Variants in ASB11 observed in about 807,000 individuals in gnomAD.
ASB11 encodes the protein ankyrin repeat and SOCS box protein 11.
A neutral mutation model predicts 20.1 loss-of-function variants in ASB11; 17 were observed. The observed-to-expected ratio is 0.85, with a 90% CI of 0.58 to 1.27. The LOEUF (loss-of-function observed/expected upper bound fraction) is 1.27, where lower values mean the gene tolerates loss of function less well. Ranked by LOEUF, ASB11 falls within the 50% of genes most tolerant of loss-of-function variation. The pLI is 0.00. For synonymous variants in ASB11, 107 were observed against 105.6 expected, an observed-to-expected ratio of 1.01 and a Z score of -0.08; for missense variants, 259 against 256.9, an observed-to-expected ratio of 1.01 and a Z score of -0.06.
rs769073103 is a variant in ASB11 at position 15,314,483 on chromosome X, G to A, written c.181+942C>T. 5.0e-6 allele frequency: 6 copies of A among 1,194,726 alleles called. No individual in the cohort carries two copies. The African/African-American group carries it at 1.1e-4, about 22-fold the overall frequency. On this transcript the variant is annotated intron_variant, in intron 1 of 6. Transcript: ENST00000480796. ...TTCTCATTTTCCCCAGTTAATTGAAGCATTCTGATGCTTCGTCCTTGGAGG... is the reference window on the plus strand; with the variant it reads ...TTCTCATTTTCCCCAGTTAATTGAAACATTCTGATGCTTCGTCCTTGGAGG...
At chrX:15,297,724 T>G (rs1327223963) in intron 2 of ASB11, 43 bp from the exon 3 acceptor site, 7 of 1,142,933 alleles carry the variant, frequency 6.1e-6, no homozygotes, top group Non-Finnish European at 8.4e-6. Context: ...TTTTACAGAC[T>G]GGGGTCTCAC....
intron 5 of ASB11, among the ~76,000 whole-genome samples, chrX:15,289,236 A>G (rs1179078212): frequency 8.9e-6 from 1 of 112,577 alleles, no homozygotes; most frequent in East Asian, 2.8e-4. Flanking sequence ...CTTGCTGCGT[A>G]TGGATAAGGA....
chrX:15,305,640 G>GATAC (rs1459681702), intron 1 of ASB11, among the ~76,000 whole-genome samples: 6 of 110,834 alleles, frequency 5.4e-5, no homozygotes, highest in African/African-American at 2.0e-4. Context: ...TAGATAGATA[G>GATAC]AATCACTGGT....
intron 2 of ASB11, among the ~76,000 whole-genome samples, chrX:15,298,861 T>C (rs973369881): frequency 6.2e-5 from 7 of 112,002 alleles, no homozygotes; most frequent in Non-Finnish European, 1.3e-4. Flanking sequence ...CAGCCATGAC[T>C]CCACTGTGTG....
At chrX:15,291,669 T>G (rs1927533835) in intron 4 of ASB11, among the ~76,000 whole-genome samples, 1 of 105,583 alleles carries the variant, frequency 9.5e-6, no homozygotes. Flanking sequence ...ATTGTGCCAT[T>G]GCACTCCAGC....
At chrX:15,288,218 C>A (rs1372065957) in intron 5 of ASB11, 146 bp from the exon 6 acceptor site, 1 of 564,954 alleles carries the variant, frequency 1.8e-6, no homozygotes, top group Non-Finnish European at 2.6e-6. Flanking sequence ...AGCCTAGAAC[C>A]TCAGCAATGC....
At chrX:15,291,612 CAGG>C (rs1254292684) in intron 4 of ASB11, among the ~76,000 whole-genome samples, 1 of 108,203 alleles carries the variant, frequency 9.2e-6, no homozygotes, top group Admixed American at 1.0e-4. Flanking sequence ...GAGGCTGAGG[CAGG>C]AGAATTGCTT....
chrX:15,313,748 C>A (rs753918444), intron 1 of ASB11, among the ~76,000 whole-genome samples: 2 of 111,363 alleles, frequency 1.8e-5, no homozygotes, highest in Admixed American at 9.6e-5. Flanking sequence ...AGGTTTTATA[C>A]CTTTTTTAAG....
rs1927232497 is a variant in ASB11, at chrX:15,283,029, A to G, written c.*476T>C. On this transcript the variant is annotated 3_prime_UTR_variant, in exon 7 of 7. Coordinates refer to ENST00000480796, the MANE Select transcript of ASB11 (RefSeq NM_080873.3). ...ATATATATATACGTATATATATACA[A>G]AAAATCAAAATTATACCAGATTTAT... is the stretch of plus-strand genomic sequence containing the variant. 9.2e-6 allele frequency: 1 copy of G among 108,259 alleles called. No individual in the cohort carries two copies. The highest frequency in any genetic ancestry group is 1.9e-5 in the Non-Finnish European group (1 of 53,192). 8.9% of individuals were successfully genotyped at this position (108,259 alleles called of 1,213,427 possible). A position where few individuals can be genotyped will look rare whatever the true frequency, so the allele number is the denominator to read the frequency against.
Position 15,284,129 on chromosome X carries a change from A to G in ASB11, c.848-500T>C, listed in dbSNP as rs373976469. 5.4e-3 allele frequency among the ~76,000 whole-genome samples: 568 copies of G among 105,571 alleles called. 3 individuals carry two copies. The highest frequency in any genetic ancestry group is 0.014 in the Middle Eastern group (3 of 214). The allele number at this position is 105,571 out of a possible 115,157, so 91.7% of individuals were successfully genotyped here. A position where few individuals can be genotyped will look rare whatever the true frequency, so the allele number is the denominator to read the frequency against. On this transcript the variant is annotated intron_variant, in intron 6 of 6. Coordinates refer to ENST00000480796, the MANE Select transcript of ASB11 (RefSeq NM_080873.3). ...TAGCCGGGTGTGGTGGCGGGTGCCT[A>G]TAGTCCCAGCTACTCGGGAGGCTGA...
intron 6 of ASB11, among the ~76,000 whole-genome samples, chrX:15,286,976 T>C (rs1011927452): frequency 4.5e-5 from 5 of 112,138 alleles, no homozygotes; most frequent in African/African-American, 1.6e-4. Context: ...TCTTACTGTA[T>C]AGACATAAGA....
At chrX:15,291,736 A>G (rs949677280) in intron 4 of ASB11, among the ~76,000 whole-genome samples, 7 of 105,579 alleles carry the variant, frequency 6.6e-5, no homozygotes, top group Non-Finnish European at 1.4e-4. Context: ...TAAAAAAATT[A>G]AAAAAAAAAG....
chrX:15,302,687 T>C (rs1171319010), intron 2 of ASB11, 41 bp downstream of exon 2: 6 of 1,127,618 alleles, frequency 5.3e-6, no homozygotes, highest in Admixed American at 2.2e-5. Context: ...GATGTGTAAT[T>C]ATAGCATAAG....
intron 1 of ASB11, among the ~76,000 whole-genome samples, chrX:15,314,877 A>T (rs1251987099): frequency 9.0e-6 from 1 of 111,534 alleles, no homozygotes; most frequent in Non-Finnish European, 1.9e-5. Context: ...TTCATGTTAG[A>T]ATAAACTTTG....
intron 1 of ASB11, among the ~76,000 whole-genome samples, chrX:15,309,924 C>T (rs1372829319): frequency 2.2e-5 from 2 of 90,659 alleles, no homozygotes; most frequent in African/African-American, 4.2e-5. Flanking sequence ...GCCGAGATCG[C>T]GCCACTGCAC....
chrX:15,289,678 T>C (rs1927481979), intron 4 of ASB11, 40 bp from the exon 5 acceptor site: 3 of 1,165,079 alleles, frequency 2.6e-6, no homozygotes, highest in Non-Finnish European at 2.3e-6. Flanking sequence ...GTAAGGGACA[T>C]ATTAAATATT....
chrX:15,292,500 T>C lies in ASB11; in HGVS notation c.520+670A>G, dbSNP rs776934708. Among the ~76,000 whole-genome samples, 7 of 112,196 alleles carry C rather than the reference T, an allele frequency of 6.2e-5. No individual in the cohort carries two copies. In the South Asian group the frequency reaches 1.9e-3, roughly 30 times the overall value. On this transcript the variant is annotated intron_variant, in intron 4 of 6. Transcript: ENST00000480796. The stretch of plus-strand genomic sequence containing the variant: ...TCTCGGTTCAGGTCTAGTCTGTACA[T>C]ACAGTCTTTAAATTCCTTAAATTTA...
chrX:15,314,355 T>A, intron 1 of ASB11: 1 of 1,102,972 alleles, frequency 9.1e-7, no homozygotes, highest in Non-Finnish European at 1.2e-6. Flanking sequence ...TTGTAACTAG[T>A]CAAAGTAACA....
In ASB11 at chrX:15,315,406, C is replaced by A. The variant is rs376817491; in HGVS notation, c.181+19G>T. On this transcript the variant is annotated intron_variant, in intron 1 of 6. Coordinates refer to ENST00000480796, the MANE Select transcript of ASB11 (RefSeq NM_080873.3). ...AGGGATTTTCTTTAAATATTAGGAA[C>A]AAATTCATGTACTTTTACCTGAAAT... 3.8e-6 allele frequency: 4 copies of A among 1,058,563 alleles called. No homozygotes were observed. Among genetic ancestry groups the A allele is most frequent in the Non-Finnish European group, 4.9e-6 (4 of 814,176 alleles). 87.2% of individuals were successfully genotyped at this position (1,058,563 alleles called of 1,213,427 possible). A position where few individuals can be genotyped will look rare whatever the true frequency, so the allele number is the denominator to read the frequency against.
Sources: gnomAD v4.1 joint callset for allele counts (sites outside exome capture counted in the v4.1 genomes callset) on GRCh38, gnomAD v4.1.1 for gene constraint, MANE v1.5 for transcripts, NCBI Gene and HGNC (gene_info 2026-07-23, HGNC 2026-07-21) for gene names.